The following AKAP13 variants were observed in gnomAD, a reference collection of about 807,000 sequenced individuals.
The protein encoded by AKAP13 is A-kinase anchor protein 13.
AKAP13 carries 80 observed loss-of-function variants against 264.5 expected under a neutral mutation model. The observed-to-expected ratio is 0.30, with a 90% CI of 0.25 to 0.36. AKAP13 has a LOEUF of 0.36. Ranked by LOEUF, AKAP13 falls within the 10% of genes least tolerant of loss-of-function variation. The pLI, the probability that AKAP13 is intolerant of heterozygous loss-of-function variation, is 1.00. For missense variants in AKAP13, 3,712 were observed against 3,435.2 expected, an observed-to-expected ratio of 1.08 and a Z score of -2.01; for synonymous variants, 1,380 against 1,250.2, an observed-to-expected ratio of 1.10 and a Z score of -2.19.
Position 85,585,779 on chromosome 15 carries a change from A to AAG in AKAP13, c.4117_4118insAG (p.Ile1373LysfsTer2). 6.2e-7 allele frequency: 1 copy of AAG among 1,614,186 alleles called. No homozygotes were observed. Among genetic ancestry groups the AAG allele is most frequent in the Non-Finnish European group, 8.5e-7 (1 of 1,179,996 alleles). ...TTCTGAAGAAGTGGCTGTAGGGAGC[A>AAG]TAGCTGCTACACTGAAGATGAAGCA... On this transcript the variant is annotated frameshift_variant, in exon 8 of 37. Coordinates refer to ENST00000394518, the MANE Select transcript of AKAP13 (RefSeq NM_007200.5). LOFTEE classifies it high-confidence loss of function.
At chr15:85,633,376 G>GC (rs34276223) in intron 8 of AKAP13, among the ~76,000 whole-genome samples, 2 of 147,416 alleles carry the variant, frequency 1.4e-5, no homozygotes, top group Admixed American at 1.4e-4. Flanking sequence ...GGCGGGGGGG[G>GC]AGTAATTTTT....
chr15:85,526,821 T>G (rs1449023445), intron 3 of AKAP13, among the ~76,000 whole-genome samples: 1 of 152,166 alleles, frequency 6.6e-6, no homozygotes, highest in African/African-American at 2.4e-5. Flanking sequence ...TCTAGACAGA[T>G]GAGATTTTAT....
rs1019922766 is a variant in AKAP13, at chr15:85,380,623, G to T, written c.-187G>T. On this transcript the variant is annotated 5_prime_UTR_variant, in exon 1 of 37. Coordinates refer to ENST00000394518, the MANE Select transcript of AKAP13 (RefSeq NM_007200.5). The stretch of plus-strand genomic sequence containing the variant: ...GAGCTGTGTGCAGGGCCAGCGCGGA[G>T]CCCGAGCAGCCGCGGTGAAGCGCCT... The T allele has an allele frequency of 4.0e-5, 6 of 151,342 alleles. No individual in the cohort carries two copies. Among genetic ancestry groups the T allele is most frequent in the African/African-American group, 1.5e-4 (6 of 41,270 alleles). The allele number at this position is 151,342 out of a possible 1,614,324, so 9.4% of individuals were successfully genotyped here. A position where few individuals can be genotyped will look rare whatever the true frequency, so the allele number is the denominator to read the frequency against.
intron 3 of AKAP13, among the ~76,000 whole-genome samples, chr15:85,531,039 T>G (rs1019893324): frequency 1.3e-5 from 2 of 152,178 alleles, no homozygotes; most frequent in Non-Finnish European, 2.9e-5. Flanking sequence ...ATTTTTATTT[T>G]TAGTACAGAC....
chr15:85,653,402 G>A (rs973496134), intron 10 of AKAP13, among the ~76,000 whole-genome samples: 4 of 152,182 alleles, frequency 2.6e-5, no homozygotes, highest in Non-Finnish European at 4.4e-5. Flanking sequence ...GACCTGTCCA[G>A]TGATCCCCTT....
intron 29 of AKAP13, among the ~76,000 whole-genome samples, chr15:85,728,338 C>T (rs2087744165): frequency 6.6e-6 from 1 of 152,280 alleles, no homozygotes; most frequent in African/African-American, 2.4e-5. Flanking sequence ...CATTCTGTCT[C>T]ACTGAGGGGG....
intron 7 of AKAP13, chr15:85,582,866 G>C (rs1279689442): frequency 2.0e-6 from 2 of 985,376 alleles, no homozygotes; most frequent in Non-Finnish European, 2.4e-6. Flanking sequence ...GGCAGACCTT[G>C]TGTCTGCTTT....
chr15:85,560,843 G>T (rs1023549467), intron 5 of AKAP13, among the ~76,000 whole-genome samples: 3 of 152,182 alleles, frequency 2.0e-5, no homozygotes, highest in Admixed American at 6.5e-5. Flanking sequence ...AATGATGTTT[G>T]CAACTCCCAT....
At chr15:85,512,813 T>TTATGTATG (rs146236698) in intron 2 of AKAP13, among the ~76,000 whole-genome samples, 115 of 145,856 alleles carry the variant, frequency 7.9e-4, no homozygotes, top group African/African-American at 1.4e-3. Flanking sequence ...TTGACTATTT[T>TTATGTATG]TATGTATGTA....
At chr15:85,721,091 T>G (rs1022688437) in intron 23 of AKAP13, among the ~76,000 whole-genome samples, 2 of 152,212 alleles carry the variant, frequency 1.3e-5, no homozygotes, top group Admixed American at 1.3e-4. Context: ...AACTTAGTAC[T>G]TCATCAAACT....
rs753322928 is a variant in AKAP13 at position 85,735,544 on chromosome 15, C to T, written c.7442-16C>T. 6.2e-7 allele frequency: 1 copy of T among 1,600,524 alleles called. No homozygotes were observed. The highest frequency in any genetic ancestry group is 1.1e-5 in the South Asian group (1 of 87,280). The stretch of plus-strand genomic sequence containing the variant: ...TCACAACTTTAAAAAAAAAAACAAC[C>T]CTATTTTTTGTTTAGGAGGCGAGAA... On this transcript the variant is annotated splice_polypyrimidine_tract_variant and intron_variant, in intron 31 of 36. Coordinates refer to ENST00000394518, the MANE Select transcript of AKAP13 (RefSeq NM_007200.5).
chr15:85,714,859 C>T (rs763187859), intron 19 of AKAP13, among the ~76,000 whole-genome samples: 4 of 151,942 alleles, frequency 2.6e-5, no homozygotes, highest in Non-Finnish European at 4.4e-5. Flanking sequence ...CCCAGCTACT[C>T]GGGAGGCTGC....
intron 2 of AKAP13, among the ~76,000 whole-genome samples, chr15:85,489,713 T>C (rs2075671332): frequency 6.6e-6 from 1 of 152,184 alleles, no homozygotes; most frequent in Non-Finnish European, 1.5e-5. Context: ...TTAAGACAAA[T>C]AGGCTGGACT....
In AKAP13 at chr15:85,669,823, A is replaced by G. The variant is rs769249942; in HGVS notation, c.5094A>G (p.Gly1698=). 3 of 1,602,304 alleles carry G rather than the reference A, an allele frequency of 1.9e-6. No homozygotes were observed. Among genetic ancestry groups the G allele is most frequent in the Non-Finnish European group, 2.6e-6 (3 of 1,169,408 alleles). ...SISLMTISHP[G]LDNSRPFHST... is the part of the protein sequence containing the mutation. Reference sequence around the variant, plus strand: ...CATTAATGACAATCAGCCATCCTGGATTGGACAGTGAGTATACTACTTTTT... The same window carrying G: ...CATTAATGACAATCAGCCATCCTGGGTTGGACAGTGAGTATACTACTTTTT... The change falls in exon 14 of 37, where the codon GGA becomes GGG. Residue 1698 remains glycine, a synonymous_variant. Transcript: ENST00000394518.
intron 2 of AKAP13, among the ~76,000 whole-genome samples, chr15:85,520,316 G>A (rs546834607): frequency 5.7e-4 from 86 of 151,966 alleles, no homozygotes; most frequent in African/African-American, 2.0e-3. Context: ...CCAACACGGC[G>A]AAACCTTGTC....
chr15:85,434,095 C>T (rs186915381), intron 1 of AKAP13, among the ~76,000 whole-genome samples: 2 of 96,428 alleles, frequency 2.1e-5, no homozygotes, highest in African/African-American at 8.1e-5. Context: ...TGCCAGACGG[C>T]GCAGGCCAGT....
intron 1 of AKAP13, among the ~76,000 whole-genome samples, chr15:85,465,613 T>G (rs1047711145): frequency 5.3e-5 from 8 of 151,176 alleles, no homozygotes; most frequent in Non-Finnish European, 1.5e-5. Context: ...TTGGTTTTTT[T>G]GTCCTTGTGA....
intron 13 of AKAP13, among the ~76,000 whole-genome samples, chr15:85,669,186 C>T (rs776688728): frequency 4.6e-5 from 7 of 152,072 alleles, no homozygotes. Context: ...AGTAAGTAAA[C>T]CAAGATTATG....
chr15:85,426,896 T>A (rs1261301589), intron 1 of AKAP13, among the ~76,000 whole-genome samples: 3 of 152,052 alleles, frequency 2.0e-5, no homozygotes, highest in Non-Finnish European at 2.9e-5. Flanking sequence ...CTAGAGATTT[T>A]AAGTTGTATG....
Sources: gnomAD v4.1 joint callset for allele counts (sites outside exome capture counted in the v4.1 genomes callset) on GRCh38, gnomAD v4.1.1 for gene constraint, MANE v1.5 for transcripts, NCBI Gene and HGNC (gene_info 2026-07-23, HGNC 2026-07-21) for gene names.